ADCK1: variants seen among roughly 807,000 people sequenced by gnomAD.
ADCK1 encodes aarF domain containing kinase 1, also known as aarF domain-containing protein kinase 1.
In ADCK1, 41 loss-of-function variants were observed where a neutral mutation model predicts 52.3. The ratio of observed to expected loss-of-function variants is 0.78; its 90% confidence interval spans 0.61 to 1.02. ADCK1 has a LOEUF of 1.02. Among genes scored for constraint, ADCK1 ranks in the 50% least tolerant of loss-of-function variants. The pLI is 0.00. For missense variants in ADCK1, 658 were observed against 679.5 expected (o/e 0.97, Z 0.35); for synonymous variants, 250 against 274.6 (o/e 0.91, Z 0.89).
At chr14:77,919,526 T>A (rs568082139) in intron 7 of ADCK1, among the ~76,000 whole-genome samples, 65 of 152,342 alleles carry the variant, frequency 4.3e-4, no homozygotes, top group Non-Finnish European at 8.8e-5. Context: ...TTTTTGCAAT[T>A]GTGAATTGTG....
chr14:77,810,588 T>G (rs28445375), intron 1 of ADCK1, among the ~76,000 whole-genome samples: 1 of 150,322 alleles, frequency 6.7e-6, no homozygotes, highest in African/African-American at 2.5e-5. Flanking sequence ...TGGAGTGCAG[T>G]GGCACGATTT....
rs751452010 is a variant in ADCK1, at chr14:77,907,796, A to G, written c.742-7A>G. 3.7e-6 allele frequency: 6 copies of G among 1,610,020 alleles called. No individual in the cohort carries two copies. Among genetic ancestry groups the G allele is most frequent in the Non-Finnish European group, 5.1e-6 (6 of 1,176,946 alleles). ...CAGACCATCTGACCTGTCCCTTCCT[A>G]TCCCAGGTCCCCCGAATCCACTGGG... On this transcript the variant is annotated splice_polypyrimidine_tract_variant and splice_region_variant and intron_variant, in intron 6 of 10. Transcript: ENST00000238561.
chr14:77,880,409 T>C (rs909593629), intron 4 of ADCK1, among the ~76,000 whole-genome samples: 2 of 152,270 alleles, frequency 1.3e-5, no homozygotes, highest in African/African-American at 4.8e-5. Context: ...CAATAGCTAA[T>C]GGCTCTGCAG....
intron 5 of ADCK1, 148 bp downstream of exon 5, chr14:77,887,397 A>C (rs971323561): frequency 1.1e-6 from 1 of 930,772 alleles, no homozygotes; most frequent in Admixed American, 3.8e-5. Flanking sequence ...ACGACAGAGG[A>C]GGTGTTATGA....
chr14:77,838,783 T>G (rs113026028), intron 3 of ADCK1, among the ~76,000 whole-genome samples: 3,391 of 152,334 alleles, frequency 0.022, 132 homozygotes, highest in African/African-American at 0.078. Flanking sequence ...CTCTCTGCTG[T>G]GCCTGGCCAC....
Position 77,933,626 on chromosome 14 carries a change from G to T in ADCK1, c.*235G>T. 1.9e-6 allele frequency: 1 copy of T among 515,560 alleles called. No individual in the cohort carries two copies. Among genetic ancestry groups the T allele is most frequent in the East Asian group, 3.0e-5 (1 of 33,218 alleles). The allele number at this position is 515,560 out of a possible 1,614,324, so 31.9% of individuals were successfully genotyped here. ...TCTTCTTCTCCAAGAAGACTCAGCA[G>T]CCTACATTCCCATTCCTGGTATGTG... On this transcript the variant is annotated 3_prime_UTR_variant, in exon 11 of 11. Transcript: ENST00000238561.
At chr14:77,816,337 A>C (rs61990722) in intron 1 of ADCK1, among the ~76,000 whole-genome samples, 15,030 of 152,198 alleles carry the variant, frequency 0.099, 863 homozygotes, top group African/African-American at 0.13. Flanking sequence ...GTTAGGCCTC[A>C]GGGCCAGGCC....
chr14:77,876,228 T>C (rs2082896038), intron 4 of ADCK1, among the ~76,000 whole-genome samples: 1 of 152,238 alleles, frequency 6.6e-6, no homozygotes, highest in African/African-American at 2.4e-5. Context: ...TTTTCCAGCT[T>C]ATAGAAGCCA....
At chr14:77,825,346 C>T (rs1490868812) in intron 3 of ADCK1, among the ~76,000 whole-genome samples, 5 of 151,324 alleles carry the variant, frequency 3.3e-5, no homozygotes, top group Admixed American at 1.3e-4. Context: ...TTAGAAGACC[C>T]GAGTTTGTGA....
chr14:77,800,188 G>T lies in ADCK1; in HGVS notation c.-12+18G>T, dbSNP rs1383517179. On this transcript the variant is annotated intron_variant, in intron 1 of 10. Coordinates refer to ENST00000238561, the MANE Select transcript of ADCK1 (RefSeq NM_020421.4). Reference sequence around the variant, plus strand: ...CCCTCGGGGTGAGTAGGGGCAGCTCGCCGGAGGCCGGCGCAGAGCTCGGGC... The same window carrying T: ...CCCTCGGGGTGAGTAGGGGCAGCTCTCCGGAGGCCGGCGCAGAGCTCGGGC... 6.6e-6 allele frequency: 1 copy of T among 152,310 alleles called. No homozygotes were observed. The highest frequency in any genetic ancestry group is 6.5e-5 in the Admixed American group (1 of 15,294). The allele number at this position is 152,310 out of a possible 1,614,324, so 9.4% of individuals were successfully genotyped here.
chr14:77,814,793 T>G (rs1017672141), intron 1 of ADCK1, among the ~76,000 whole-genome samples: 3 of 151,508 alleles, frequency 2.0e-5, no homozygotes, highest in Middle Eastern at 3.2e-3. Context: ...AAAATGCACA[T>G]TCTTGAATCT....
rs1395245795 is a variant in ADCK1, at chr14:77,931,672, T to G, written c.1361T>G (p.Phe454Cys). 21 of 1,608,138 alleles carry G rather than the reference T, an allele frequency of 1.3e-5. No homozygotes were observed. The highest frequency in any genetic ancestry group is 1.7e-5 in the Non-Finnish European group (20 of 1,179,988). ...ALGTRASASSFLNMSRCCIRA... is the reference protein window; with the variant it reads ...ALGTRASASSCLNMSRCCIRA... ...GGCACCCGCGCCAGCGCCAGCTCCT[T>G]TCTCAACATGTCACGTTGCTGCATC... The change falls in exon 10 of 11, where the codon TTT becomes TGT. Residue 454 changes from phenylalanine (F) to cysteine (C), a missense_variant. Physicochemically the swap from Phe to Cys is radical, Grantham distance 205 (BLOSUM62 -2). Coordinates refer to ENST00000238561, the MANE Select transcript of ADCK1 (RefSeq NM_020421.4).
chr14:77,824,103 C>T (rs543964598), intron 3 of ADCK1, among the ~76,000 whole-genome samples: 7 of 151,190 alleles, frequency 4.6e-5, no homozygotes, highest in South Asian at 2.1e-4. Context: ...TTCGCCATGA[C>T]GGCCAGGCTG....
intron 10 of ADCK1, among the ~76,000 whole-genome samples, chr14:77,932,631 A>G (rs10145656): frequency 0.51 from 76,777 of 151,994 alleles, 20,187 homozygotes; most frequent in African/African-American, 0.64. Flanking sequence ...ATCAAATATT[A>G]AATTAGTTTA....
intron 4 of ADCK1, among the ~76,000 whole-genome samples, chr14:77,870,987 G>C (rs877561): frequency 0.4 from 60,630 of 152,124 alleles, 12,520 homozygotes; most frequent in Admixed American, 0.52. Context: ...TCTTCCTCGT[G>C]GCAGTCCTGG....
At chr14:77,852,883 G>GTGTATATATATATATATATA (rs1555351667) in intron 3 of ADCK1, among the ~76,000 whole-genome samples, 1 of 18,518 alleles carries the variant, frequency 5.4e-5, no homozygotes, top group Non-Finnish European at 9.9e-5. Context: ...TTTTATGTGT[G>GTGTATATATATATATATATA]TATATATATA....
intron 5 of ADCK1, among the ~76,000 whole-genome samples, chr14:77,896,671 C>T (rs7143447): frequency 0.028 from 4,310 of 152,294 alleles, 174 homozygotes; most frequent in African/African-American, 0.089. Flanking sequence ...CTGGAGGCTG[C>T]GGTGCCCAGG....
intron 6 of ADCK1, among the ~76,000 whole-genome samples, chr14:77,903,962 A>G (rs769389887): frequency 1.3e-5 from 2 of 152,132 alleles, no homozygotes; most frequent in Non-Finnish European, 2.9e-5. Context: ...CCCCCATATC[A>G]TCAGTTGGGA....
rs71303864 is a variant in ADCK1, at chr14:77,852,907, A to ATTTTTTTTTTT, written c.220-6155_220-6145dup. Reference sequence around the variant, plus strand: ...TGTATATATATATATATATATATATATTTTTTTTTTTTTTTTTTTTTTTTA... The same window carrying ATTTTTTTTTTT: ...TGTATATATATATATATATATATATATTTTTTTTTTTTTTTTTTTTTTTTTTTTTTTTTTTA... On this transcript the variant is annotated intron_variant, in intron 3 of 10. Coordinates refer to ENST00000238561, the MANE Select transcript of ADCK1 (RefSeq NM_020421.4). Among the ~76,000 whole-genome samples, 19 of 28,956 alleles carry ATTTTTTTTTTT rather than the reference A, an allele frequency of 6.6e-4. 3 individuals carry two copies. The highest frequency in any genetic ancestry group is 2.2e-3 in the South Asian group (2 of 920). The allele number at this position is 28,956 out of a possible 152,430, so 19.0% of individuals were successfully genotyped here. A position where few individuals can be genotyped will look rare whatever the true frequency, so the allele number is the denominator to read the frequency against.
Sources: gnomAD v4.1 joint callset for allele counts (sites outside exome capture counted in the v4.1 genomes callset) on GRCh38, gnomAD v4.1.1 for gene constraint, MANE v1.5 for transcripts, NCBI Gene and HGNC (gene_info 2026-07-23, HGNC 2026-07-21) for gene names.